The following FARSA variants were observed in gnomAD, a reference collection of about 807,000 sequenced individuals.
FARSA encodes the protein phenylalanyl-tRNA synthetase subunit alpha, also known as phenylalanine--tRNA ligase alpha subunit.
Under a neutral mutation model 63.2 loss-of-function variants are expected in FARSA, and 37 were observed. The ratio of observed to expected loss-of-function variants is 0.59; its 90% CI spans 0.45 to 0.77. FARSA has a LOEUF of 0.77. Among genes scored for constraint, FARSA ranks in the 30% least tolerant of loss-of-function variants. The pLI is 0.00. For synonymous variants in FARSA, 312 were observed against 285.1 expected, an observed-to-expected ratio of 1.09 and a Z score of -0.95; for missense variants, 618 against 696.6, an observed-to-expected ratio of 0.89 and a Z score of 1.27.
In FARSA at chr19:12,928,653, G is replaced by C. The variant is rs376853642; in HGVS notation, c.607C>G (p.Arg203Gly). The C allele has an allele frequency of 1.2e-6, 2 of 1,611,354 alleles. No homozygotes were observed. Among genetic ancestry groups the C allele is most frequent in the African/African-American group, 2.7e-5 (2 of 74,880 alleles). Reference protein sequence around the residue: ...SPEMISSGSWRDRPFKPYNFL... With the variant: ...SPEMISSGSWGDRPFKPYNFL... Reference sequence around the variant, plus strand: ...TTGTAGGGCTTGAAGGGCCGGTCCCGCCAAGAGCCACTGGGGGAGGATGCA... The same window carrying C: ...TTGTAGGGCTTGAAGGGCCGGTCCCCCCAAGAGCCACTGGGGGAGGATGCA... The change falls in exon 6 of 13, where the codon CGG becomes GGG. Residue 203 changes from arginine (R) to glycine (G), a missense_variant. Transcript: ENST00000314606.
chr19:12,925,326 G>A (rs1029097699), intron 7 of FARSA, 152 bp from the exon 8 acceptor site: 15 of 645,058 alleles, frequency 2.3e-5, no homozygotes, highest in East Asian at 5.5e-5. Flanking sequence ...AGTGATTCTC[G>A]TGCCTCAGTT....
chr19:12,926,205 C>A (rs1971324883), intron 7 of FARSA, among the ~76,000 whole-genome samples: 2 of 149,802 alleles, frequency 1.3e-5, no homozygotes, highest in South Asian at 4.2e-4. Context: ...CCCACCGTGG[C>A]CTCCCAAAGT....
Position 12,926,247 on chromosome 19 carries a change from G to A in FARSA, c.842-1073C>T, listed in dbSNP as rs563250816. On this transcript the variant is annotated intron_variant, in intron 7 of 12. Transcript: ENST00000314606. Reference sequence around the variant, plus strand: ...ATTACAGGCGTGAGCCACCGCGCCCGGCCTATTTTTTTTTTTTAAAGGGAC... The same window carrying A: ...ATTACAGGCGTGAGCCACCGCGCCCAGCCTATTTTTTTTTTTTAAAGGGAC... Among the ~76,000 whole-genome samples the A allele has an allele frequency of 2.5e-3, 368 of 148,520 alleles. 1 individual carries two copies. The highest frequency in any genetic ancestry group is 5.3e-3 in the Admixed American group (77 of 14,664).
intron 1 of FARSA, among the ~76,000 whole-genome samples, chr19:12,930,953 A>C (rs1971387574): frequency 6.6e-6 from 1 of 152,250 alleles, no homozygotes; most frequent in Admixed American, 6.5e-5. Flanking sequence ...ACACAGGGGT[A>C]GTAATAATGA....
rs1389978513 is a variant in FARSA, at chr19:12,924,874, C to A, written c.1026+30G>T. 7 of 1,613,992 alleles carry A rather than the reference C, an allele frequency of 4.3e-6. No individual in the cohort carries two copies. In the African/African-American group the frequency reaches 5.3e-5, roughly 12 times the overall value. ...GGTCCCTTTGACAGCACCCTCTCCC[C>A]ACTGGGGCCCCCGCCTGGGCCAACC... On this transcript the variant is annotated intron_variant, in intron 9 of 12. Transcript: ENST00000314606. This position sits in a 1 kb window ranked among gnomAD's most constrained non-coding sequence, Gnocchi z 6.4.
chr19:12,931,934 G>C (rs751404258), intron 1 of FARSA, among the ~76,000 whole-genome samples: 26 of 152,092 alleles, frequency 1.7e-4, no homozygotes, highest in Non-Finnish European at 2.6e-4. Context: ...TCATCCATAA[G>C]AGAAAGGTGT....
In FARSA at chr19:12,927,970, C is replaced by G. The variant is rs141413891; in HGVS notation, c.841+372G>C. Among the ~76,000 whole-genome samples the G allele has an allele frequency of 7.7e-4, 97 of 125,234 alleles. 1 individual carries two copies. The East Asian group carries it at 0.024, about 31-fold the overall frequency. 82.2% of individuals were successfully genotyped at this position (125,234 alleles called of 152,430 possible). A position where few individuals can be genotyped will look rare whatever the true frequency, so the allele number is the denominator to read the frequency against. On this transcript the variant is annotated intron_variant, in intron 7 of 12. Transcript: ENST00000314606. ...CTGGGAGGCAAAGTTTGCAGCGAGC[C>G]AAGATCATGCCACTGCACACTCCAG...
In FARSA at chr19:12,924,535, A is replaced by G. The variant is rs760393028; in HGVS notation, c.1196-9T>C. The G allele has an allele frequency of 6.2e-7, 1 of 1,613,466 alleles. No homozygotes were observed. Among genetic ancestry groups the G allele is most frequent in the Non-Finnish European group, 8.5e-7 (1 of 1,179,968 alleles). ...GCGGAGTTGCGTGATACCTGCAGGA[A>G]GTGGGGGGCGGGCAGGAGAGCAGGG... is the stretch of plus-strand genomic sequence containing the variant. On this transcript the variant is annotated splice_polypyrimidine_tract_variant and intron_variant, in intron 10 of 12. Transcript: ENST00000314606. The surrounding 1 kb of genome is among the most constrained non-coding windows in gnomAD (Gnocchi z 6.4).
rs77136463 is a variant in FARSA, at chr19:12,923,850, G to A, written c.1388+301C>T. On this transcript the variant is annotated intron_variant, in intron 12 of 12. Transcript: ENST00000314606. The stretch of plus-strand genomic sequence containing the variant: ...CTGATCTCAAACTCCTGGCTCAGGC[G>A]ATCCTCCTGCCTTGGCCTCCCACAG... 7.6e-3 allele frequency among the ~76,000 whole-genome samples: 1,156 copies of A among 152,244 alleles called. 16 individuals carry two copies. The highest frequency in any genetic ancestry group is 0.026 in the African/African-American group (1,089 of 41,520).
chr19:12,929,932 T>A (rs1489583927), intron 4 of FARSA, among the ~76,000 whole-genome samples: 1 of 152,096 alleles, frequency 6.6e-6, no homozygotes, highest in African/African-American at 2.4e-5. Flanking sequence ...ATGGGCTTCA[T>A]GGAACTCAAG....
chr19:12,927,149 G>A (rs1203161695), intron 7 of FARSA, among the ~76,000 whole-genome samples: 1 of 152,180 alleles, frequency 6.6e-6, no homozygotes, highest in Non-Finnish European at 1.5e-5. Context: ...AACTCGGGGT[G>A]AGCCCGGGAG....
chr19:12,926,300 C>A (rs940295693), intron 7 of FARSA, among the ~76,000 whole-genome samples: 4 of 138,454 alleles, frequency 2.9e-5, no homozygotes, highest in Non-Finnish European at 6.2e-5. Flanking sequence ...TAGACGGAGT[C>A]TCGCTCAGTC....
At chr19:12,933,066 A>C (rs986232856) in intron 1 of FARSA, 2 of 168,142 alleles carry the variant, frequency 1.2e-5, no homozygotes, top group African/African-American at 4.8e-5. Context: ...TTGCAATTAC[A>C]GCTATGCTGG....
intron 7 of FARSA, among the ~76,000 whole-genome samples, chr19:12,928,023 CAAAAAA>C (rs34586259): frequency 0.07 from 5,153 of 73,394 alleles, 324 homozygotes; most frequent in African/African-American, 0.23. Flanking sequence ...GACCCTGTCT[CAAAAAA>C]AAAAAAAAAA....
chr19:12,923,168 C>A (rs1260784552), intron 12 of FARSA, among the ~76,000 whole-genome samples: 3 of 152,174 alleles, frequency 2.0e-5, no homozygotes, highest in Admixed American at 1.3e-4. Context: ...TGGTTTACCT[C>A]TTTATCTACC....
chr19:12,924,006 C>A lies in FARSA; in HGVS notation c.1388+145G>T. The stretch of plus-strand genomic sequence containing the variant: ...GACATAAGCTGTCATGTTCACAGCA[C>A]GGGGCTGAGCATTCAGTTTGTACTC... On this transcript the variant is annotated intron_variant, in intron 12 of 12. Transcript: ENST00000314606. The surrounding 1 kb of genome is among the most constrained non-coding windows in gnomAD (Gnocchi z 6.4). 1 of 660,634 alleles carries A rather than the reference C, an allele frequency of 1.5e-6. No homozygotes were observed. The highest frequency in any genetic ancestry group is 2.7e-6 in the Non-Finnish European group (1 of 369,000). 40.9% of individuals were successfully genotyped at this position (660,634 alleles called of 1,614,324 possible).
chr19:12,931,244 G>T (rs543133491), intron 1 of FARSA, among the ~76,000 whole-genome samples: 1 of 152,008 alleles, frequency 6.6e-6, no homozygotes, highest in Non-Finnish European at 1.5e-5. Flanking sequence ...GGCATGTGCC[G>T]CCACACCTGG....
At chr19:12,926,211 A>G (rs968462619) in intron 7 of FARSA, among the ~76,000 whole-genome samples, 6 of 147,528 alleles carry the variant, frequency 4.1e-5, no homozygotes, top group Non-Finnish European at 8.9e-5. Context: ...GTGGCCTCCC[A>G]AAGTGCTGGA....
At chr19:12,933,523 C>T (rs756206396) in intron 1 of FARSA, 27 bp downstream of exon 1, 1 of 1,536,630 alleles carries the variant, frequency 6.5e-7, no homozygotes, top group South Asian at 1.2e-5. Context: ...AAGGGCAAGG[C>T]GGTCCGGCAT....
Sources: gnomAD v4.1 joint callset for allele counts (sites outside exome capture counted in the v4.1 genomes callset) on GRCh38, gnomAD v4.1.1 for gene constraint, Gnocchi (gnomAD v3.1) non-coding constraint, MANE v1.5 for transcripts, NCBI Gene and HGNC (gene_info 2026-07-23, HGNC 2026-07-21) for gene names.